Variants in GRIP1 observed in about 807,000 individuals in gnomAD.
The protein encoded by GRIP1 is glutamate receptor interacting protein 1, also known as glutamate receptor-interacting protein 1.
Under a neutral mutation model 129.9 loss-of-function variants are expected in GRIP1, and 45 were observed. The ratio of observed to expected loss-of-function variants is 0.35; its 90% CI spans 0.27 to 0.44. GRIP1 has a LOEUF of 0.44. Ranked by LOEUF, GRIP1 falls within the 20% of genes least tolerant of loss-of-function variation. GRIP1 has a pLI of 1.00. For synonymous variants in GRIP1, 530 were observed against 520.8 expected (o/e 1.02, Z -0.24); for missense variants, 1,196 against 1,396.8 (o/e 0.86, Z 2.29).
At chr12:66,431,101 GT>G (rs2058134582) in intron 14 of GRIP1, among the ~76,000 whole-genome samples, 1 of 152,172 alleles carries the variant, frequency 6.6e-6, no homozygotes, top group Non-Finnish European at 1.5e-5. Context: ...AGTTGCATGA[GT>G]GTTTGCATGC....
intron 1 of GRIP1, among the ~76,000 whole-genome samples, chr12:66,884,738 G>T (rs2137205949): frequency 1.3e-5 from 2 of 152,214 alleles, no homozygotes; most frequent in South Asian, 4.1e-4. Flanking sequence ...AAAGCAGAAA[G>T]AAACAATATA....
intron 1 of GRIP1, among the ~76,000 whole-genome samples, chr12:67,049,600 T>C (rs2043308665): frequency 6.6e-6 from 1 of 152,028 alleles, no homozygotes; most frequent in Admixed American, 6.6e-5. Context: ...TTAGGACAAA[T>C]GCCTTATGCA....
chr12:66,974,697 C>T (rs984137080), intron 1 of GRIP1, among the ~76,000 whole-genome samples: 7 of 152,154 alleles, frequency 4.6e-5, no homozygotes, highest in Non-Finnish European at 8.8e-5. Flanking sequence ...AAGCGTTCAA[C>T]AAATGTTTGC....
intron 16 of GRIP1, among the ~76,000 whole-genome samples, chr12:66,401,065 G>A (rs1482670511): frequency 6.6e-6 from 1 of 152,176 alleles, no homozygotes; most frequent in African/African-American, 2.4e-5. Context: ...TTCAGTAATG[G>A]AAGACGACAA....
chr12:66,633,060 T>C (rs1303121111), intron 1 of GRIP1, among the ~76,000 whole-genome samples: 1 of 151,698 alleles, frequency 6.6e-6, no homozygotes, highest in East Asian at 1.9e-4. Flanking sequence ...TTGCCAAGGC[T>C]AGAGCGCAGT....
At chr12:66,953,686 A>T (rs1165880777) in intron 1 of GRIP1, among the ~76,000 whole-genome samples, 5 of 151,948 alleles carry the variant, frequency 3.3e-5, no homozygotes, top group African/African-American at 1.2e-4. Context: ...TCTTATAAGG[A>T]CTCCTGTTCT....
intron 1 of GRIP1, among the ~76,000 whole-genome samples, chr12:66,917,189 T>C (rs1448603740): frequency 1.3e-5 from 2 of 152,224 alleles, no homozygotes; most frequent in African/African-American, 2.4e-5. Flanking sequence ...GCTATGCTTG[T>C]TTTTAACCTT....
At chr12:66,487,584 C>A (rs935363215) in intron 7 of GRIP1, among the ~76,000 whole-genome samples, 3 of 152,074 alleles carry the variant, frequency 2.0e-5, no homozygotes, top group African/African-American at 7.2e-5. Context: ...AACAAGTCTG[C>A]AAAATAACCA....
intron 1 of GRIP1, among the ~76,000 whole-genome samples, chr12:66,903,571 T>C (rs1355252407): frequency 6.6e-6 from 1 of 152,192 alleles, no homozygotes. Context: ...GTTAAGTTTT[T>C]AGTATTTCAA....
intron 1 of GRIP1, among the ~76,000 whole-genome samples, chr12:66,783,530 C>T (rs773832844): frequency 1.3e-5 from 2 of 152,156 alleles, no homozygotes; most frequent in Non-Finnish European, 2.9e-5. Flanking sequence ...AGGAGTTAAT[C>T]AACACTCAGA....
intron 1 of GRIP1, among the ~76,000 whole-genome samples, chr12:66,961,328 G>A (rs1371274971): frequency 1.3e-5 from 2 of 152,092 alleles, no homozygotes; most frequent in Admixed American, 1.3e-4. Flanking sequence ...TGCTAGGGAA[G>A]TAGGAGGCGG....
chr12:66,887,836 C>A (rs1237337724), intron 1 of GRIP1, among the ~76,000 whole-genome samples: 1 of 152,082 alleles, frequency 6.6e-6, no homozygotes, highest in African/African-American at 2.4e-5. Flanking sequence ...CCTAGATGCA[C>A]CCTCCACCAA....
chr12:66,451,196 A>G (rs56754460), intron 11 of GRIP1, among the ~76,000 whole-genome samples: 34,925 of 151,834 alleles, frequency 0.23, 4,464 homozygotes, highest in Middle Eastern at 0.42. Context: ...GGGAATGACT[A>G]CATTTTTGTC....
chr12:67,044,162 T>G (rs1338774061), intron 1 of GRIP1, among the ~76,000 whole-genome samples: 4 of 152,214 alleles, frequency 2.6e-5, no homozygotes, highest in Admixed American at 2.6e-4. Context: ...CCAAGAACTA[T>G]TTCTACCAGC....
rs2058934175 is a variant in GRIP1 at position 66,455,568 on chromosome 12, C to T, written c.1199-4G>A. On this transcript the variant is annotated splice_polypyrimidine_tract_variant and splice_region_variant and intron_variant, in intron 10 of 24. Coordinates refer to ENST00000359742, the MANE Select transcript of GRIP1 (RefSeq NM_001366722.1). ...AAGGATGAAGACACCAAAGCTGCTG[C>T]AAGAGAGTGAAGACGTTGCACAGAG... is the stretch of plus-strand genomic sequence containing the variant. The T allele has an allele frequency of 6.2e-7, 1 of 1,613,578 alleles. No homozygotes were observed. The highest frequency in any genetic ancestry group is 1.3e-5 in the African/African-American group (1 of 74,914).
At chr12:66,618,283 C>T (rs1352026468) in intron 1 of GRIP1, among the ~76,000 whole-genome samples, 1 of 152,124 alleles carries the variant, frequency 6.6e-6, no homozygotes. Flanking sequence ...TGTGCATATG[C>T]TATATTTTGT....
At chr12:66,671,950 A>G (rs1281996222) in intron 1 of GRIP1, among the ~76,000 whole-genome samples, 1 of 152,226 alleles carries the variant, frequency 6.6e-6, no homozygotes, top group Non-Finnish European at 1.5e-5. Flanking sequence ...AAACTGGGAA[A>G]CAAACTAAAG....
chr12:66,730,605 T>C (rs2036401728), intron 1 of GRIP1, among the ~76,000 whole-genome samples: 1 of 147,514 alleles, frequency 6.8e-6, no homozygotes, highest in Non-Finnish European at 1.5e-5. Context: ...CCACAGAAGA[T>C]ATAAATTGTT....
At chr12:67,020,047 A>C (rs1295717885) in intron 1 of GRIP1, among the ~76,000 whole-genome samples, 1 of 152,194 alleles carries the variant, frequency 6.6e-6, no homozygotes, top group Non-Finnish European at 1.5e-5. Flanking sequence ...ACCCCTCTAG[A>C]AGTTTGCTTT....
Sources: allele counts gnomAD v4.1 joint callset (sites outside exome capture counted in the v4.1 genomes callset), GRCh38; gene constraint gnomAD v4.1.1; transcripts MANE v1.5; gene names NCBI Gene and HGNC (gene_info 2026-07-23, HGNC 2026-07-21).